The following ASIC2 variants were observed in gnomAD, a reference collection of about 807,000 sequenced individuals.
ASIC2 encodes acid sensing ion channel subunit 2, also known as acid-sensing ion channel 2.
Under a neutral mutation model 57.3 loss-of-function variants are expected in ASIC2, and 25 were observed. The ratio of observed to expected loss-of-function variants is 0.44; its 90% CI spans 0.32 to 0.61. ASIC2 has a LOEUF of 0.61. ASIC2 is among the 20% of genes least tolerant of loss of function. The probability of loss-of-function intolerance (pLI) is 0.06; values close to 1 mark genes in which losing one functional copy is unlikely to be tolerated. For missense variants in ASIC2, 641 were observed against 738.1 expected (o/e 0.87, Z 1.52); for synonymous variants, 319 against 307.5 (o/e 1.04, Z -0.39).
At chr17:33,294,675 C>A (rs1567813981), upstream of ASIC2, among the ~76,000 whole-genome samples, 1 of 152,018 alleles carries the variant, frequency 6.6e-6, no homozygotes, top group Non-Finnish European at 1.5e-5. Flanking sequence ...ACATGTATAC[C>A]AACATATACA....
At chr17:34,023,679 T>A (rs1010910683) in intron 1 of ASIC2, among the ~76,000 whole-genome samples, 6 of 152,160 alleles carry the variant, frequency 3.9e-5, no homozygotes, top group Non-Finnish European at 8.8e-5. Context: ...CAAGGTGCCA[T>A]CTTGGAAGCA....
intron 1 of ASIC2, among the ~76,000 whole-genome samples, chr17:33,849,722 G>A (rs888927021): frequency 1.3e-5 from 2 of 152,176 alleles, no homozygotes; most frequent in Non-Finnish European, 2.9e-5. Flanking sequence ...AAAGGGAATA[G>A]CACTGTCAAA....
intron 1 of ASIC2, among the ~76,000 whole-genome samples, chr17:33,715,338 A>C (rs1909186618): frequency 6.6e-6 from 1 of 152,144 alleles, no homozygotes; most frequent in Non-Finnish European, 1.5e-5. Flanking sequence ...AGTAGAATGG[A>C]AATAAGGCCC....
intron 1 of ASIC2, among the ~76,000 whole-genome samples, chr17:33,639,778 A>AT (rs1555549191): frequency 6.6e-6 from 1 of 150,980 alleles, no homozygotes. Context: ...AAAAAAAAAA[A>AT]GCGGAACAAA....
chr17:33,934,332 C>T (rs78186183), intron 1 of ASIC2, among the ~76,000 whole-genome samples: 1 of 152,198 alleles, frequency 6.6e-6, no homozygotes, highest in Non-Finnish European at 1.5e-5. Flanking sequence ...GACTTCCAAA[C>T]TCAAACTTGC....
At position 33,209,855 on chromosome 17, in the gene ASIC2, T is replaced by A. The variant is rs114697745; in HGVS notation, c.708+81553A>T. Reference sequence around the variant, plus strand: ...TGCTCACTTCCTCTGTTTTCCAACATCACGTCATCTGCTGACCTAACTGAC... The same window carrying A: ...TGCTCACTTCCTCTGTTTTCCAACAACACGTCATCTGCTGACCTAACTGAC... On this transcript the variant is annotated intron_variant, in intron 1 of 9. Transcript: ENST00000225823. 7.2e-3 allele frequency among the ~76,000 whole-genome samples: 1,093 copies of A among 152,308 alleles called. 11 individuals are homozygous for A. The highest frequency in any genetic ancestry group is 0.025 in the African/African-American group (1,047 of 41,570).
intron 1 of ASIC2, among the ~76,000 whole-genome samples, chr17:33,775,659 T>C (rs1346890322): frequency 6.6e-6 from 1 of 152,014 alleles, no homozygotes. Flanking sequence ...CATGTGCATG[T>C]TTGTGGTATG....
intron 1 of ASIC2, among the ~76,000 whole-genome samples, chr17:33,567,507 CA>C (rs1199109683): frequency 6.6e-6 from 1 of 152,108 alleles, no homozygotes; most frequent in Non-Finnish European, 1.5e-5. Flanking sequence ...TAGAAAGGTT[CA>C]TTTGGCTGCT....
intron 1 of ASIC2, among the ~76,000 whole-genome samples, chr17:33,507,758 C>T (rs1016316559): frequency 2.0e-5 from 3 of 152,140 alleles, no homozygotes; most frequent in African/African-American, 7.2e-5. Flanking sequence ...AAAAACTTAG[C>T]TGGGCCTGGT....
chr17:34,080,070 C>T (rs1176849231), intron 1 of ASIC2, among the ~76,000 whole-genome samples: 19 of 152,340 alleles, frequency 1.2e-4, no homozygotes, highest in Non-Finnish European at 8.8e-5. Flanking sequence ...TCTATGAATA[C>T]TGTCTGTGTC....
intron 1 of ASIC2, among the ~76,000 whole-genome samples, chr17:33,988,677 T>C (rs1294959885): frequency 6.6e-6 from 1 of 151,948 alleles, no homozygotes; most frequent in East Asian, 1.9e-4. Flanking sequence ...GTTGTTGTTT[T>C]GGTTAGTTTT....
At chr17:33,072,760 G>A (rs932597904) in intron 3 of ASIC2, among the ~76,000 whole-genome samples, 3 of 152,178 alleles carry the variant, frequency 2.0e-5, no homozygotes, top group Non-Finnish European at 4.4e-5. Context: ...CTAGACTCTA[G>A]GGATGGATTT....
At chr17:33,961,750 A>T (rs1370036750) in intron 1 of ASIC2, among the ~76,000 whole-genome samples, 1 of 152,108 alleles carries the variant, frequency 6.6e-6, no homozygotes, top group Non-Finnish European at 1.5e-5. Context: ...AGGGAAAAAA[A>T]AGTCAACCAA....
chr17:33,069,079 AT>A (rs1470472663), intron 3 of ASIC2, among the ~76,000 whole-genome samples: 1 of 151,862 alleles, frequency 6.6e-6, no homozygotes, highest in Non-Finnish European at 1.5e-5. Context: ...TTCACTTTTG[AT>A]TTCTTCTTTC....
chr17:33,105,812 TG>T (rs1253236425), intron 2 of ASIC2, among the ~76,000 whole-genome samples: 2 of 152,214 alleles, frequency 1.3e-5, no homozygotes, highest in Non-Finnish European at 2.9e-5. Flanking sequence ...AGGAACTTGT[TG>T]AAAGCTGGAG....
chr17:33,861,583 A>C (rs1914102984), intron 1 of ASIC2, among the ~76,000 whole-genome samples: 1 of 152,234 alleles, frequency 6.6e-6, no homozygotes, highest in South Asian at 2.1e-4. Flanking sequence ...TATGTAATGC[A>C]TTAAATTTTC....
chr17:33,246,900 T>C (rs1306779310), intron 1 of ASIC2, among the ~76,000 whole-genome samples: 2 of 152,140 alleles, frequency 1.3e-5, no homozygotes, highest in African/African-American at 2.4e-5. Context: ...ACAGCCAGTT[T>C]GTCCATCAGC....
At chr17:33,106,886 C>T (rs1033726398) in intron 2 of ASIC2, among the ~76,000 whole-genome samples, 1 of 152,092 alleles carries the variant, frequency 6.6e-6, no homozygotes, top group Admixed American at 6.6e-5. Flanking sequence ...AAAAATAAGC[C>T]TGTTTCTAGT....
rs754120937 is a variant in ASIC2 at position 33,023,898 on chromosome 17, G to A, written c.1312C>T (p.Leu438Phe). 6.2e-7 allele frequency: 1 copy of A among 1,614,192 alleles called. No homozygotes were observed. The highest frequency in any genetic ancestry group is 8.5e-7 in the Non-Finnish European group (1 of 1,180,040). ...TCTGATTTGTTAAATTTCTTCTCAAGGTACTTGGCTGATGTCTTGCTGGGG... is the reference window on the plus strand; with the variant it reads ...TCTGATTTGTTAAATTTCTTCTCAAAGTACTTGGCTGATGTCTTGCTGGGG... The part of the protein sequence containing the change: ...KIPSKTSAKY[L>F]EKKFNKSEKY... The change falls in exon 6 of 10, where the codon CTT becomes TTT. Residue 438 changes from leucine to phenylalanine, a missense_variant. This residue lies in a region of ASIC2 where 252 missense variants were observed against 319.8 expected (regional missense o/e 0.79). Transcript: ENST00000225823.
Sources: gnomAD v4.1 joint callset for allele counts (sites outside exome capture counted in the v4.1 genomes callset) on GRCh38, gnomAD v4.1.1 for gene constraint, gnomAD v4.1.1 regional missense constraint, MANE v1.5 for transcripts, NCBI Gene and HGNC (gene_info 2026-07-23, HGNC 2026-07-21) for gene names.